The following NUBPL variants were observed in gnomAD, a reference collection of about 807,000 sequenced individuals.
NUBPL encodes the protein iron-sulfur cluster transfer protein NUBPL.
Under a neutral mutation model 45.7 loss-of-function variants are expected in NUBPL, and 31 were observed. That is an observed-to-expected ratio of 0.68 (90% confidence interval 0.51 to 0.92). NUBPL has a LOEUF of 0.92. NUBPL is among the 40% of genes least tolerant of loss of function. The pLI is 0.00. For synonymous variants in NUBPL, 144 were observed against 140.9 expected, an observed-to-expected ratio of 1.02 and a Z score of -0.15; for missense variants, 401 against 398.7, an observed-to-expected ratio of 1.01 and a Z score of -0.05.
At chr14:31,563,929 T>C (rs1301257164) in intron 2 of NUBPL, among the ~76,000 whole-genome samples, 1 of 152,254 alleles carries the variant, frequency 6.6e-6, no homozygotes, top group Non-Finnish European at 1.5e-5. Flanking sequence ...ATCACAGTTA[T>C]GAAGTAGGCA....
rs149733418 is a variant in NUBPL at position 31,574,146 on chromosome 14, C to T, written c.291+9098C>T. 1.1e-4 allele frequency among the ~76,000 whole-genome samples: 17 copies of T among 152,234 alleles called. 1 individual carries two copies. Among genetic ancestry groups the T allele is most frequent in the African/African-American group, 3.4e-4 (14 of 41,528 alleles). Reference sequence around the variant, plus strand: ...AAAATCTGAGATAATGTGTTTGAAGCGCTTAGCACAGTGGCTGACCTATCA... The same window carrying T: ...AAAATCTGAGATAATGTGTTTGAAGTGCTTAGCACAGTGGCTGACCTATCA... On this transcript the variant is annotated intron_variant, in intron 3 of 10. Coordinates refer to ENST00000281081, the MANE Select transcript of NUBPL (RefSeq NM_025152.3).
At chr14:31,645,960 A>G (rs183427286) in intron 4 of NUBPL, among the ~76,000 whole-genome samples, 2 of 152,230 alleles carry the variant, frequency 1.3e-5, no homozygotes, top group Admixed American at 1.3e-4. Context: ...TTATCTGTGT[A>G]CTAATCTTAC....
intron 4 of NUBPL, among the ~76,000 whole-genome samples, chr14:31,645,134 T>C (rs2035809517): frequency 1.3e-5 from 2 of 151,278 alleles, no homozygotes; most frequent in Non-Finnish European, 2.9e-5. Flanking sequence ...GGCGCAATCT[T>C]GGCTCACTGC....
At chr14:31,813,320 T>C (rs568030458) in intron 7 of NUBPL, among the ~76,000 whole-genome samples, 1 of 152,114 alleles carries the variant, frequency 6.6e-6, no homozygotes, top group East Asian at 1.9e-4. Flanking sequence ...GTCATTAAGA[T>C]GAAGTGACTT....
chr14:31,578,065 C>A, intron 3 of NUBPL: 2 of 1,028,462 alleles, frequency 1.9e-6, no homozygotes, highest in Non-Finnish European at 2.7e-6. Flanking sequence ...GCAGAATTCT[C>A]CAAAGTTTTG....
At chr14:31,822,254 GGTT>G (rs1462356279) in intron 7 of NUBPL, among the ~76,000 whole-genome samples, 1 of 151,898 alleles carries the variant, frequency 6.6e-6, no homozygotes, top group Non-Finnish European at 1.5e-5. Flanking sequence ...TACATGATGT[GGTT>G]ATTACACATT....
At chr14:31,634,124 A>G (rs1018988865) in intron 4 of NUBPL, among the ~76,000 whole-genome samples, 48 of 151,980 alleles carry the variant, frequency 3.2e-4, no homozygotes, top group African/African-American at 1.1e-3. Context: ...TTTAGGGTAC[A>G]TGTACACAAT....
At chr14:31,646,370 A>G (rs1357970041) in intron 4 of NUBPL, among the ~76,000 whole-genome samples, 4 of 152,114 alleles carry the variant, frequency 2.6e-5, no homozygotes, top group Non-Finnish European at 5.9e-5. Context: ...TATTTTTAGC[A>G]GAGATGGGGA....
chr14:31,701,933 A>G (rs1255370833), intron 6 of NUBPL, among the ~76,000 whole-genome samples: 4 of 152,160 alleles, frequency 2.6e-5, no homozygotes, highest in Admixed American at 6.5e-5. Context: ...ACCCTTTGCA[A>G]TATGTGAATA....
chr14:31,814,805 A>G (rs1027118742), intron 7 of NUBPL, among the ~76,000 whole-genome samples: 3 of 152,128 alleles, frequency 2.0e-5, no homozygotes. Flanking sequence ...TCCTTTCCCC[A>G]TTGCTGGTTT....
intron 7 of NUBPL, among the ~76,000 whole-genome samples, chr14:31,802,965 C>T (rs1459692103): frequency 6.6e-6 from 1 of 152,220 alleles, no homozygotes; most frequent in East Asian, 1.9e-4. Flanking sequence ...GTCACAGTGA[C>T]TAAACTTCCA....
At chr14:31,790,192 C>T (rs1242577595) in intron 7 of NUBPL, among the ~76,000 whole-genome samples, 1 of 152,028 alleles carries the variant, frequency 6.6e-6, no homozygotes, top group African/African-American at 2.4e-5. Flanking sequence ...TTTTTTTCTC[C>T]ACTTACTTTT....
chr14:31,678,055 G>A (rs2036743298), intron 6 of NUBPL, among the ~76,000 whole-genome samples: 1 of 152,192 alleles, frequency 6.6e-6, no homozygotes, highest in South Asian at 2.1e-4. Flanking sequence ...CTTTCCACAG[G>A]CAGAGGAGCC....
intron 4 of NUBPL, among the ~76,000 whole-genome samples, chr14:31,660,877 T>A (rs1320890265): frequency 2.6e-5 from 4 of 152,320 alleles, no homozygotes; most frequent in African/African-American, 9.6e-5. Flanking sequence ...AACAATGGAA[T>A]TCCTATAAAA....
chr14:31,623,924 A>G (rs1293243434), intron 4 of NUBPL, among the ~76,000 whole-genome samples: 1 of 152,206 alleles, frequency 6.6e-6, no homozygotes, highest in East Asian at 1.9e-4. Flanking sequence ...GTTTGTTTGA[A>G]GAGTTGAAGT....
intron 6 of NUBPL, among the ~76,000 whole-genome samples, chr14:31,749,468 A>G (rs370510740): frequency 8.8e-4 from 134 of 152,096 alleles, no homozygotes; most frequent in African/African-American, 3.1e-3. Flanking sequence ...TTTGCTGGGT[A>G]TAGTATTCTT....
At chr14:31,613,772 A>C (rs1410733546) in intron 4 of NUBPL, among the ~76,000 whole-genome samples, 1 of 152,094 alleles carries the variant, frequency 6.6e-6, no homozygotes, top group Non-Finnish European at 1.5e-5. Context: ...GATTGTTTAC[A>C]ACACAAAGGA....
chr14:31,832,437 A>G (rs2040207869), intron 8 of NUBPL, among the ~76,000 whole-genome samples: 1 of 152,204 alleles, frequency 6.6e-6, no homozygotes, highest in Non-Finnish European at 1.5e-5. Context: ...TAAATCTACC[A>G]GGAGCTGCTT....
chr14:31,582,663 A>G (rs1463345365), intron 3 of NUBPL, among the ~76,000 whole-genome samples: 4 of 152,104 alleles, frequency 2.6e-5, no homozygotes, highest in Non-Finnish European at 4.4e-5. Flanking sequence ...GCTTAGCTTG[A>G]TTAGCTCCCA....
Sources: gnomAD v4.1 joint callset for allele counts (sites outside exome capture counted in the v4.1 genomes callset) on GRCh38, gnomAD v4.1.1 for gene constraint, MANE v1.5 for transcripts, NCBI Gene and HGNC (gene_info 2026-07-23, HGNC 2026-07-21) for gene names.